SETX: variants seen among roughly 807,000 people sequenced by gnomAD.
The protein encoded by SETX is senataxin, also known as helicase senataxin.
SETX carries 90 observed loss-of-function variants against 227.2 expected under a neutral mutation model. The observed-to-expected ratio is 0.40, with a 90% CI of 0.33 to 0.47. SETX has a LOEUF of 0.47. Ranked by LOEUF, SETX falls within the 20% of genes least tolerant of loss-of-function variation. The probability of loss-of-function intolerance (pLI) is 0.91; values close to 1 mark genes in which losing one functional copy is unlikely to be tolerated. For missense variants in SETX, 3,052 were observed against 3,181.5 expected, an observed-to-expected ratio of 0.96 and a Z score of 0.98; for synonymous variants, 1,210 against 1,113.2, an observed-to-expected ratio of 1.09 and a Z score of -1.73.
chr9:132,324,267 T>A (rs981821962), intron 10 of SETX, among the ~76,000 whole-genome samples: 6 of 151,760 alleles, frequency 4.0e-5, no homozygotes, highest in Non-Finnish European at 7.4e-5. Context: ...GAAAAAAAAA[T>A]AATAAAGCAA....
At chr9:132,269,505 A>G in intron 25 of SETX, 110 bp downstream of exon 25, 1 of 1,602,478 alleles carries the variant, frequency 6.2e-7, no homozygotes, top group Non-Finnish European at 8.5e-7. Context: ...AAACATAACA[A>G]CCATTATTTT....
chr9:132,337,214 T>C (rs565950821), intron 5 of SETX, among the ~76,000 whole-genome samples: 1 of 152,218 alleles, frequency 6.6e-6, no homozygotes, highest in Admixed American at 6.5e-5. Context: ...TGACCATGTA[T>C]TGATAAAGCT....
At chr9:132,307,284 A>G (rs1845388836) in intron 11 of SETX, among the ~76,000 whole-genome samples, 3 of 152,060 alleles carry the variant, frequency 2.0e-5, no homozygotes. Flanking sequence ...AACAACAATA[A>G]TAATGTTTTC....
intron 25 of SETX, among the ~76,000 whole-genome samples, chr9:132,266,793 C>A (rs1842674649): frequency 6.6e-6 from 1 of 152,004 alleles, no homozygotes; most frequent in South Asian, 2.1e-4. Flanking sequence ...CCCAAAAAAA[C>A]CTTATACACT....
At chr9:132,281,631 T>C (rs774891722) in intron 19 of SETX, 57 bp from the exon 20 acceptor site, 19 of 1,204,484 alleles carry the variant, frequency 1.6e-5, no homozygotes, top group Non-Finnish European at 2.0e-5. Flanking sequence ...TTTATCCATA[T>C]AGTTTATCTG....
At chr9:132,335,149 G>A (rs1016009996) in intron 6 of SETX, among the ~76,000 whole-genome samples, 1 of 151,964 alleles carries the variant, frequency 6.6e-6, no homozygotes, top group Non-Finnish European at 1.5e-5. Context: ...CCAGCACTTT[G>A]GGAGGCCAAG....
At chr9:132,299,087 G>A (rs1325700374) in intron 12 of SETX, among the ~76,000 whole-genome samples, 1 of 152,222 alleles carries the variant, frequency 6.6e-6, no homozygotes, top group Non-Finnish European at 1.5e-5. Flanking sequence ...GTGGGAACTG[G>A]ATTTGGGATA....
In SETX at chr9:132,275,249, G is replaced by A. The variant is rs375256800; in HGVS notation, c.7100+7C>T. The stretch of plus-strand genomic sequence containing the variant: ...GAAAATTGGAAATATTTATAAAAAT[G>A]CCTCACCCTTTTCTATCGAACTCTT... On this transcript the variant is annotated splice_region_variant and intron_variant, in intron 23 of 25. Transcript: ENST00000224140. 26 of 1,613,180 alleles carry A rather than the reference G, an allele frequency of 1.6e-5. No homozygotes were observed. Among genetic ancestry groups the A allele is most frequent in the Middle Eastern group, 1.6e-4 (1 of 6,062 alleles).
rs1485883289 is a variant in SETX at position 132,296,002 on chromosome 9, T to C, written c.5976A>G (p.Glu1992=). ...TTTGTTTGATTTTGGCATTGGAGTTTTCGTCTGAATGCCCCTTCCTCTGGT... is the reference window on the plus strand; with the variant it reads ...TTTGTTTGATTTTGGCATTGGAGTTCTCGTCTGAATGCCCCTTCCTCTGGT... The part of the protein sequence containing the change: ...TENQRKGHSD[E]NSNAKIKQNR... Residue 1992 remains glutamate (E), a synonymous_variant, in exon 15 of 26, where the codon GAA becomes GAG. Transcript: ENST00000224140. 7 of 1,614,100 alleles carry C rather than the reference T, an allele frequency of 4.3e-6. No homozygotes were observed. Among genetic ancestry groups the C allele is most frequent in the South Asian group, 1.1e-5 (1 of 91,086 alleles).
At chr9:132,299,804 T>C (rs79532115) in intron 12 of SETX, among the ~76,000 whole-genome samples, 2,146 of 152,236 alleles carry the variant, frequency 0.014, 55 homozygotes, top group African/African-American at 0.049. Context: ...GAATAATTTC[T>C]TCTACCTTTT....
chr9:132,264,523 G>C lies in SETX; in HGVS notation c.7750C>G (p.Leu2584Val). Residue 2584 changes from leucine (L) to valine (V), a missense_variant, in exon 26 of 26, where the codon CTG becomes GTG. Physicochemically the swap from Leu to Val is conservative, Grantham distance 32. This residue lies in a region of SETX where 294 missense variants were observed against 278.8 expected (regional missense o/e 1.05). Coordinates refer to ENST00000224140, the MANE Select transcript of SETX (RefSeq NM_015046.7). ...GCAGCGGGCTGCTGTATATGGCTCA[G>C]GTCCTGGTGAACGACAGGGAAGCCC... ...EPGFPVVHQD[L>V]SHIQQPAAVV... 1.2e-6 allele frequency: 2 copies of C among 1,613,984 alleles called. No individual in the cohort carries two copies. The highest frequency in any genetic ancestry group is 1.7e-6 in the Non-Finnish European group (2 of 1,179,964).
At chr9:132,307,929 G>A (rs565088384) in intron 11 of SETX, among the ~76,000 whole-genome samples, 60 of 152,106 alleles carry the variant, frequency 3.9e-4, no homozygotes, top group African/African-American at 1.4e-3. Flanking sequence ...TCTGCCCCTC[G>A]GCCTCCCAAA....
chr9:132,356,707 C>T (rs544200713), upstream of SETX, among the ~76,000 whole-genome samples: 1 of 152,120 alleles, frequency 6.6e-6, no homozygotes, highest in Non-Finnish European at 1.5e-5. Context: ...GGAGCAAGCC[C>T]AGGGGAACAC....
intron 11 of SETX, 40 bp from the exon 12 acceptor site, chr9:132,300,843 T>C (rs756974604): frequency 2.6e-6 from 4 of 1,526,796 alleles, no homozygotes; most frequent in Non-Finnish European, 3.6e-6. Context: ...ATAACTCTAA[T>C]AGAATTATTT....
At chr9:132,277,486 G>A (rs79537387) in intron 21 of SETX, among the ~76,000 whole-genome samples, 10,523 of 152,128 alleles carry the variant, frequency 0.069, 446 homozygotes, top group South Asian at 0.16. Context: ...ATAGTAAAAG[G>A]ACTGAAACTT....
At chr9:132,273,586 T>C (rs1487848943) in intron 23 of SETX, among the ~76,000 whole-genome samples, 1 of 152,254 alleles carries the variant, frequency 6.6e-6, no homozygotes, top group Non-Finnish European at 1.5e-5. Context: ...GTAAATGGAA[T>C]TGTTTCAACT....
chr9:132,280,634 A>G (rs1270472998), intron 20 of SETX, among the ~76,000 whole-genome samples: 1 of 152,264 alleles, frequency 6.6e-6, no homozygotes, highest in Non-Finnish European at 1.5e-5. Flanking sequence ...CATTCATTCC[A>G]AGCTTCAACA....
intron 10 of SETX, among the ~76,000 whole-genome samples, chr9:132,315,177 C>G (rs1209833326): frequency 6.6e-6 from 1 of 152,034 alleles, no homozygotes; most frequent in African/African-American, 2.4e-5. Flanking sequence ...GTGGCCTTCC[C>G]AAGTGTTGGG....
rs142285330 is a variant in SETX at position 132,280,127 on chromosome 9, A to G, written c.6654+1340T>C. The stretch of plus-strand genomic sequence containing the variant: ...CATACTGAAAAAGACGAATAAACAC[A>G]CAAATGCCTAGCAATATCTGTTAAA... On this transcript the variant is annotated intron_variant, in intron 20 of 25. Coordinates refer to ENST00000224140, the MANE Select transcript of SETX (RefSeq NM_015046.7). 4.6e-5 allele frequency among the ~76,000 whole-genome samples: 7 copies of G among 152,280 alleles called. No homozygotes were observed. In the East Asian group the frequency reaches 1.2e-3, roughly 25 times the overall value.
Sources: gnomAD v4.1 joint callset for allele counts (sites outside exome capture counted in the v4.1 genomes callset) on GRCh38, gnomAD v4.1.1 for gene constraint, gnomAD v4.1.1 regional missense constraint, MANE v1.5 for transcripts, NCBI Gene and HGNC (gene_info 2026-07-23, HGNC 2026-07-21) for gene names.